PTPRD: variants seen among roughly 807,000 people sequenced by gnomAD.
PTPRD encodes protein tyrosine phosphatase receptor type D.
PTPRD carries 34 observed loss-of-function variants against 214.5 expected under a neutral mutation model. That is an observed-to-expected ratio of 0.16 (90% CI 0.12 to 0.21). PTPRD has a LOEUF of 0.21. Among genes scored for constraint, PTPRD ranks in the 10% least tolerant of loss-of-function variants. PTPRD has a pLI of 1.00. For synonymous variants in PTPRD, 1,128 were observed against 845.7 expected (o/e 1.33, Z -5.79); for missense variants, 2,545 against 2,398.7 (o/e 1.06, Z -1.27).
intron 12 of PTPRD, among the ~76,000 whole-genome samples, chr9:8,637,475 T>G (rs772732516): frequency 6.6e-6 from 1 of 152,166 alleles, no homozygotes; most frequent in African/African-American, 2.4e-5. Flanking sequence ...TCCAAAGTCA[T>G]AGTAAAGCAA....
intron 5 of PTPRD, among the ~76,000 whole-genome samples, chr9:9,895,251 G>C (rs1014747577): frequency 6.6e-6 from 1 of 151,796 alleles, no homozygotes; most frequent in Admixed American, 6.6e-5. Flanking sequence ...TTTGTTACCA[G>C]TAAGAGAAAA....
chr9:9,879,982 G>A (rs984007501), intron 5 of PTPRD, among the ~76,000 whole-genome samples: 4 of 152,116 alleles, frequency 2.6e-5, no homozygotes, highest in African/African-American at 9.7e-5. Flanking sequence ...CTACAGGTGT[G>A]ATATGGCTTG....
chr9:8,933,340 G>GTTTTTTTTTTTTTTTTTTTTTTTTTTTTT lies in PTPRD; in HGVS notation c.-104+85356_-104+85357insAAAAAAAAAAAAAAAAAAAAAAAAAAAAA, dbSNP rs71317383. On this transcript the variant is annotated intron_variant, in intron 11 of 45. Coordinates refer to ENST00000381196, the MANE Select transcript of PTPRD (RefSeq NM_002839.4). ...CCATCTTGCCAGCCACAACCTTGAG[G>GTTTTTTTTTTTTTTTTTTTTTTTTTTTTT]TTTTTTTTTTTTTTTTTTTTTTTAC... Among the ~76,000 whole-genome samples, 26 of 80,422 alleles carry GTTTTTTTTTTTTTTTTTTTTTTTTTTTTT rather than the reference G, an allele frequency of 3.2e-4. 4 individuals carry two copies. The highest frequency in any genetic ancestry group is 1.0e-3 in the South Asian group (2 of 1,930). 52.8% of individuals were successfully genotyped at this position (80,422 alleles called of 152,430 possible).
chr9:10,177,076 C>A (rs1357933869), intron 3 of PTPRD, among the ~76,000 whole-genome samples: 3 of 151,806 alleles, frequency 2.0e-5, no homozygotes, highest in Non-Finnish European at 2.9e-5. Flanking sequence ...CTTCACAAAT[C>A]TTATACATTA....
intron 8 of PTPRD, among the ~76,000 whole-genome samples, chr9:9,431,163 G>T (rs1292636991): frequency 2.6e-5 from 4 of 152,114 alleles, no homozygotes; most frequent in African/African-American, 9.7e-5. Context: ...ATCTGACAAA[G>T]GGCTAATATC....
intron 4 of PTPRD, among the ~76,000 whole-genome samples, chr9:9,965,579 G>A (rs1026771552): frequency 3.3e-5 from 5 of 152,070 alleles, no homozygotes; most frequent in Admixed American, 3.3e-4. Context: ...TATTTATTAA[G>A]GAAAGGCAAT....
chr9:8,540,606 T>C (rs1439315172), intron 14 of PTPRD, among the ~76,000 whole-genome samples: 2 of 152,184 alleles, frequency 1.3e-5, no homozygotes, highest in Non-Finnish European at 2.9e-5. Flanking sequence ...TTTTTGAGGA[T>C]CTTCCTTCCA....
At chr9:9,625,553 A>ATT (rs61688647) in intron 7 of PTPRD, among the ~76,000 whole-genome samples, 23 of 142,910 alleles carry the variant, frequency 1.6e-4, no homozygotes, top group African/African-American at 3.9e-4. Flanking sequence ...TTGTTCCTCT[A>ATT]TTTTTTTTTT....
chr9:8,316,672 C>CCTGA lies in PTPRD; in HGVS notation c.*1198_*1201dup, dbSNP rs1190755910. On this transcript the variant is annotated 3_prime_UTR_variant, in exon 46 of 46. Coordinates refer to ENST00000381196, the MANE Select transcript of PTPRD (RefSeq NM_002839.4). ...TAGAAATATTGAACTTTGTTGGAAGCCTGACTAACAAACAAACAAAACAAT... is the reference window on the plus strand; with the variant it reads ...TAGAAATATTGAACTTTGTTGGAAGCCTGACTGACTAACAAACAAACAAAACAAT... The CCTGA allele has an allele frequency of 8.7e-6, 2 of 230,538 alleles. No homozygotes were observed. Among genetic ancestry groups the CCTGA allele is most frequent in the Admixed American group, 5.7e-5 (1 of 17,608 alleles). 14.3% of individuals were successfully genotyped at this position (230,538 alleles called of 1,614,324 possible). A position where few individuals can be genotyped will look rare whatever the true frequency, so the allele number is the denominator to read the frequency against.
At chr9:9,460,502 C>G (rs1240208998) in intron 8 of PTPRD, among the ~76,000 whole-genome samples, 1 of 151,764 alleles carries the variant, frequency 6.6e-6, no homozygotes, top group East Asian at 1.9e-4. Flanking sequence ...AAAACAAATC[C>G]ATTAAAAAGT....
chr9:8,850,152 C>A (rs905175572), intron 11 of PTPRD, among the ~76,000 whole-genome samples: 1 of 151,950 alleles, frequency 6.6e-6, no homozygotes, highest in Non-Finnish European at 1.5e-5. Flanking sequence ...TTACAAAATA[C>A]AATGTTTGGG....
intron 10 of PTPRD, among the ~76,000 whole-genome samples, chr9:9,044,011 C>T (rs2099658939): frequency 6.6e-6 from 1 of 151,754 alleles, no homozygotes; most frequent in African/African-American, 2.4e-5. Flanking sequence ...ACTTTTAATG[C>T]CAAGTCAGCA....
At chr9:8,459,995 T>A (rs1306431302) in intron 33 of PTPRD, among the ~76,000 whole-genome samples, 1 of 152,164 alleles carries the variant, frequency 6.6e-6, no homozygotes, top group Non-Finnish European at 1.5e-5. Flanking sequence ...ATTAGAATTA[T>A]GATATGTATA....
intron 30 of PTPRD, among the ~76,000 whole-genome samples, chr9:8,478,771 A>G (rs766521421): frequency 6.6e-5 from 10 of 152,244 alleles, no homozygotes; most frequent in Non-Finnish European, 1.5e-4. Flanking sequence ...CTGATGTGGC[A>G]CACAAAAAAT....
At chr9:9,937,030 T>C (rs1183238903) in intron 5 of PTPRD, among the ~76,000 whole-genome samples, 2 of 150,992 alleles carry the variant, frequency 1.3e-5, no homozygotes, top group Non-Finnish European at 2.9e-5. Context: ...AACAATGAGA[T>C]CACATGGACA....
chr9:9,835,997 T>A (rs955073103), intron 5 of PTPRD, among the ~76,000 whole-genome samples: 2 of 152,160 alleles, frequency 1.3e-5, no homozygotes, highest in African/African-American at 4.8e-5. Context: ...TGAAAGACTA[T>A]AAAAAGAGGC....
chr9:9,222,534 C>G lies in PTPRD; in HGVS notation c.-202-39171G>C, dbSNP rs746360938. Among the ~76,000 whole-genome samples, 69 of 151,912 alleles carry G rather than the reference C, an allele frequency of 4.5e-4. 3 individuals carry two copies. Among genetic ancestry groups the G allele is most frequent in the Non-Finnish European group, 1.9e-4 (13 of 67,952 alleles). Reference sequence around the variant, plus strand: ...CAAAGCTTAATATTTTGGCATAGTTCTAGAAAAGTGCTTAATAAATCAAAA... The same window carrying G: ...CAAAGCTTAATATTTTGGCATAGTTGTAGAAAAGTGCTTAATAAATCAAAA... On this transcript the variant is annotated intron_variant, in intron 9 of 45. Transcript: ENST00000381196.
At chr9:9,643,291 TA>T (rs1392830004) in intron 7 of PTPRD, among the ~76,000 whole-genome samples, 1 of 152,096 alleles carries the variant, frequency 6.6e-6, no homozygotes, top group Non-Finnish European at 1.5e-5. Context: ...CTGCAACATG[TA>T]AAAAGACAGA....
At chr9:10,038,302 G>C (rs997085489) in intron 3 of PTPRD, among the ~76,000 whole-genome samples, 1 of 152,030 alleles carries the variant, frequency 6.6e-6, no homozygotes, top group Non-Finnish European at 1.5e-5. Context: ...CAAAGCCATA[G>C]CTTGAATAAT....
Sources: gnomAD v4.1 joint callset for allele counts (sites outside exome capture counted in the v4.1 genomes callset) on GRCh38, gnomAD v4.1.1 for gene constraint, MANE v1.5 for transcripts, NCBI Gene and HGNC (gene_info 2026-07-23, HGNC 2026-07-21) for gene names.